Variants in USP31 observed in about 807,000 individuals in gnomAD.
USP31 encodes the protein ubiquitin carboxyl-terminal hydrolase 31.
In USP31, 44 loss-of-function variants were observed where a neutral mutation model predicts 119.4. The observed-to-expected ratio is 0.37, with a 90% confidence interval of 0.29 to 0.47. The LOEUF (loss-of-function observed/expected upper bound fraction) is 0.47, where lower values mean the gene tolerates loss of function less well. Ranked by LOEUF, USP31 falls within the 20% of genes least tolerant of loss-of-function variation. USP31 has a pLI of 0.99. For missense variants in USP31, 1,643 were observed against 1,730.2 expected, an observed-to-expected ratio of 0.95 and a Z score of 0.89; for synonymous variants, 749 against 705.6, an observed-to-expected ratio of 1.06 and a Z score of -0.97.
chr16:23,105,351 A>G, intron 5 of USP31, 90 bp downstream of exon 5: 2 of 1,401,220 alleles, frequency 1.4e-6, no homozygotes, highest in Non-Finnish European at 1.9e-6. Context: ...CTATCCAACC[A>G]TACTTGGCAA....
At chr16:23,107,430 T>C (rs1376850890) in intron 2 of USP31, among the ~76,000 whole-genome samples, 1 of 152,128 alleles carries the variant, frequency 6.6e-6, no homozygotes, top group Non-Finnish European at 1.5e-5. Context: ...ATCAGAATAA[T>C]TTAAAACTTA....
chr16:23,115,361 A>G (rs1413353827), intron 1 of USP31, among the ~76,000 whole-genome samples: 1 of 152,234 alleles, frequency 6.6e-6, no homozygotes, highest in Non-Finnish European at 1.5e-5. Flanking sequence ...TCATTTCTAT[A>G]GAAAATAGAA....
rs982109277 is a variant in USP31, at chr16:23,067,238, A to C, written c.*808T>G. On this transcript the variant is annotated 3_prime_UTR_variant, in exon 16 of 16. Transcript: ENST00000219689. ...AGTAATTTCAGAAGGAAAAAAAATT[A>C]AACGAGTGACTGGCTTTCTGGCTAT... 1 of 152,702 alleles carries C rather than the reference A, an allele frequency of 6.5e-6. No individual in the cohort carries two copies. Among genetic ancestry groups the C allele is most frequent in the African/African-American group, 2.4e-5 (1 of 41,466 alleles). The allele number at this position is 152,702 out of a possible 1,614,324, so 9.5% of individuals were successfully genotyped here.
chr16:23,141,958 T>G (rs542784789), intron 1 of USP31, among the ~76,000 whole-genome samples: 3 of 152,238 alleles, frequency 2.0e-5, no homozygotes, highest in African/African-American at 7.2e-5. Context: ...CTCACCTCTC[T>G]CTCAGCTCCC....
intron 13 of USP31, among the ~76,000 whole-genome samples, chr16:23,076,298 A>G (rs1178940583): frequency 2.6e-5 from 4 of 152,100 alleles, no homozygotes; most frequent in Admixed American, 2.6e-4. Context: ...TAAAAAAAAA[A>G]AAAAAAGAAA....
intron 14 of USP31, 92 bp downstream of exon 14, chr16:23,073,630 G>A: frequency 1.4e-6 from 2 of 1,423,590 alleles, no homozygotes; most frequent in Non-Finnish European, 1.9e-6. Flanking sequence ...CAAACTGACA[G>A]AGTCATGAGA....
Position 23,068,183 on chromosome 16 carries a change from C to A in USP31, c.3922G>T (p.Ala1308Ser), listed in dbSNP as rs760866017. 2 of 1,614,152 alleles carry A rather than the reference C, an allele frequency of 1.2e-6. No individual in the cohort carries two copies. Among genetic ancestry groups the A allele is most frequent in the East Asian group, 4.5e-5 (2 of 44,878 alleles). Residue 1308 changes from alanine to serine, a missense_variant, in exon 16 of 16, where the codon GCT becomes TCT. Ala to Ser is a moderately conservative substitution (Grantham distance 99). Coordinates refer to ENST00000219689, the MANE Select transcript of USP31 (RefSeq NM_020718.4). ...PASAKHSLLS[A>S]RKSKSSQLDS... ...AGTTGGGAAGACTTGGATTTGCGAG[C>A]GGACAGCAGGGAATGTTTGGCAGAA...
In USP31 at chr16:23,149,094, G is replaced by C. The variant is rs1242805765; in HGVS notation, c.177C>G (p.Arg59=). The C allele has an allele frequency of 3.1e-6, 4 of 1,273,786 alleles. No individual in the cohort carries two copies. Among genetic ancestry groups the C allele is most frequent in the Non-Finnish European group, 4.1e-6 (4 of 986,448 alleles). 78.9% of individuals were successfully genotyped at this position (1,273,786 alleles called of 1,614,324 possible). Residue 59 remains arginine (R), a synonymous_variant, in exon 1 of 16, where the codon CGC becomes CGG. Coordinates refer to ENST00000219689, the MANE Select transcript of USP31 (RefSeq NM_020718.4). ...PSSPSSPSSA[R]SVGSFMSRVL... ...CGCGGCTCATGAAGCTGCCCACCGAGCGTGCAGAGGAGGGCGAGGAGGGCG... is the reference window on the plus strand; with the variant it reads ...CGCGGCTCATGAAGCTGCCCACCGACCGTGCAGAGGAGGGCGAGGAGGGCG...
chr16:23,118,876 G>A (rs536037209), intron 1 of USP31, among the ~76,000 whole-genome samples: 1 of 152,032 alleles, frequency 6.6e-6, no homozygotes, highest in South Asian at 2.1e-4. Context: ...TACAGGCTGA[G>A]GCAGGAGGAT....
intron 12 of USP31, 58 bp downstream of exon 12, chr16:23,082,380 G>A: frequency 6.2e-7 from 1 of 1,603,556 alleles, no homozygotes; most frequent in Middle Eastern, 1.7e-4. Context: ...CCCATCAGCA[G>A]GGGGCATAAG....
Position 23,149,316 on chromosome 16 carries a change from G to C in USP31, c.-46C>G, listed in dbSNP as rs1021396608. 2.4e-5 allele frequency: 25 copies of C among 1,021,792 alleles called. No individual in the cohort carries two copies. Among genetic ancestry groups the C allele is most frequent in the African/African-American group, 3.5e-5 (2 of 57,030 alleles). The allele number at this position is 1,021,792 out of a possible 1,614,324, so 63.3% of individuals were successfully genotyped here. ...ATCACCGCGCCCGCCCGCCCGGCCC[G>C]CGGCCCCGCCACGGCCGCCGCCGCA... On this transcript the variant is annotated 5_prime_UTR_variant, in exon 1 of 16. Coordinates refer to ENST00000219689, the MANE Select transcript of USP31 (RefSeq NM_020718.4).
chr16:23,118,211 A>T (rs968338680), intron 1 of USP31, among the ~76,000 whole-genome samples: 5 of 152,214 alleles, frequency 3.3e-5, no homozygotes, highest in Admixed American at 3.3e-4. Context: ...GAGATCATAA[A>T]AGCATTTTGT....
chr16:23,100,148 C>T (rs1403087029), intron 6 of USP31, among the ~76,000 whole-genome samples: 1 of 152,068 alleles, frequency 6.6e-6, no homozygotes, highest in Non-Finnish European at 1.5e-5. Flanking sequence ...ATAAAGTTAC[C>T]ACACAACCCA....
Position 23,065,822 on chromosome 16 carries a change from AGT to A in USP31, c.*2222_*2223del, listed in dbSNP as rs1900043755. 1 of 152,228 alleles carries A rather than the reference AGT, an allele frequency of 6.6e-6. No homozygotes were observed. The highest frequency in any genetic ancestry group is 6.5e-5 in the Admixed American group (1 of 15,282). The allele number at this position is 152,228 out of a possible 1,614,324, so 9.4% of individuals were successfully genotyped here. A position where few individuals can be genotyped will look rare whatever the true frequency, so the allele number is the denominator to read the frequency against. On this transcript the variant is annotated 3_prime_UTR_variant, in exon 16 of 16. Coordinates refer to ENST00000219689, the MANE Select transcript of USP31 (RefSeq NM_020718.4). ...TAATGCTTGACTACAGCAAAAAAGA[AGT>A]GTTATTAAAAACCTTTGTCTAATCA...
chr16:23,085,539 T>A, intron 10 of USP31, 46 bp downstream of exon 10: 2 of 1,518,044 alleles, frequency 1.3e-6, no homozygotes, highest in Non-Finnish European at 1.8e-6. Flanking sequence ...ATAAAAATGA[T>A]AATTAAAACA....
intron 6 of USP31, among the ~76,000 whole-genome samples, chr16:23,097,604 C>T (rs1051212745): frequency 2.6e-5 from 4 of 152,206 alleles, no homozygotes; most frequent in African/African-American, 9.7e-5. Context: ...AATCCAGCAG[C>T]ACATCAAAAA....
intron 1 of USP31, among the ~76,000 whole-genome samples, chr16:23,142,770 T>A (rs965287104): frequency 7.2e-5 from 11 of 152,232 alleles, no homozygotes; most frequent in Admixed American, 2.0e-4. Context: ...TGGCATTTGA[T>A]GGACCAGAGA....
At position 23,065,718 on chromosome 16, in the gene USP31, T is replaced by C. The variant is rs1280324767; in HGVS notation, c.*2328A>G. On this transcript the variant is annotated 3_prime_UTR_variant, in exon 16 of 16. Transcript: ENST00000219689. ...TTTTTCCTTTTTTTTTTTAAGTCAC[T>C]AGACATCGTGGAAAATCCATTCCTA... The C allele has an allele frequency of 6.6e-6, 1 of 152,078 alleles. No homozygotes were observed. The highest frequency in any genetic ancestry group is 1.5e-5 in the Non-Finnish European group (1 of 67,998). The allele number at this position is 152,078 out of a possible 1,614,324, so 9.4% of individuals were successfully genotyped here.
At chr16:23,143,615 G>A (rs1241751027) in intron 1 of USP31, among the ~76,000 whole-genome samples, 2 of 151,694 alleles carry the variant, frequency 1.3e-5, no homozygotes, top group Non-Finnish European at 2.9e-5. Context: ...GAAAGAGAGA[G>A]CGCGAGAGAT....
Sources: allele counts gnomAD v4.1 joint callset (sites outside exome capture counted in the v4.1 genomes callset), GRCh38; gene constraint gnomAD v4.1.1; transcripts MANE v1.5; gene names NCBI Gene and HGNC (gene_info 2026-07-23, HGNC 2026-07-21).